KIAA0825: variants seen among roughly 807,000 people sequenced by gnomAD.
KIAA0825 encodes the protein uncharacterized protein KIAA0825.
A neutral mutation model predicts 147.6 loss-of-function variants in KIAA0825; 119 were observed. The ratio of observed to expected loss-of-function variants is 0.81; its 90% CI spans 0.69 to 0.94. The LOEUF is 0.94. Ranked by LOEUF, KIAA0825 falls within the 40% of genes least tolerant of loss-of-function variation. The pLI, the probability that KIAA0825 is intolerant of heterozygous loss-of-function variation, is 0.00. For missense variants in KIAA0825, 1,381 were observed against 1,472.7 expected (o/e 0.94, Z 1.02); for synonymous variants, 470 against 518.1 (o/e 0.91, Z 1.26).
At chr5:94,255,501 A>G (rs1249040555) in intron 20 of KIAA0825, among the ~76,000 whole-genome samples, 1 of 151,984 alleles carries the variant, frequency 6.6e-6, no homozygotes, top group Admixed American at 6.6e-5. Context: ...CACGCCATCA[A>G]TGGAGATACG....
chr5:94,262,223 A>T (rs771524610), intron 20 of KIAA0825, among the ~76,000 whole-genome samples: 1 of 152,106 alleles, frequency 6.6e-6, no homozygotes, highest in African/African-American at 2.4e-5. Context: ...CCTAAAGGAA[A>T]TACAAATTAA....
chr5:94,352,445 C>G (rs1024528852), intron 20 of KIAA0825, among the ~76,000 whole-genome samples: 2 of 152,106 alleles, frequency 1.3e-5, no homozygotes, highest in African/African-American at 4.8e-5. Context: ...ATGCAGTGAA[C>G]AGGGAACACT....
At chr5:94,489,741 C>G (rs536091789) in intron 5 of KIAA0825, among the ~76,000 whole-genome samples, 2 of 151,764 alleles carry the variant, frequency 1.3e-5, no homozygotes, top group Non-Finnish European at 2.9e-5. Flanking sequence ...CAAAAATTAG[C>G]CAGGCGTGGT....
At chr5:94,566,767 T>G (rs1778790311) in intron 2 of KIAA0825, among the ~76,000 whole-genome samples, 1 of 152,180 alleles carries the variant, frequency 6.6e-6, no homozygotes, top group Admixed American at 6.5e-5. Context: ...TCTCAGGTGA[T>G]AAGCTACTTG....
chr5:94,512,895 T>TATAA (rs913420252), intron 5 of KIAA0825, among the ~76,000 whole-genome samples: 40 of 151,984 alleles, frequency 2.6e-4, no homozygotes, highest in East Asian at 9.6e-4. Context: ...GACTCCATCT[T>TATAA]ATAAATAAAT....
At chr5:94,379,363 T>G (rs1447053583) in intron 20 of KIAA0825, among the ~76,000 whole-genome samples, 1 of 152,182 alleles carries the variant, frequency 6.6e-6, no homozygotes, top group East Asian at 1.9e-4. Flanking sequence ...AATAGTGAAT[T>G]CTTTACCCAT....
intron 20 of KIAA0825, among the ~76,000 whole-genome samples, chr5:94,272,717 T>C (rs534786157): frequency 6.6e-6 from 1 of 152,324 alleles, no homozygotes; most frequent in African/African-American, 2.4e-5. Flanking sequence ...GCAAAACTTA[T>C]TACAGTTTAG....
At chr5:94,165,524 G>C (rs1479268973) in intron 20 of KIAA0825, among the ~76,000 whole-genome samples, 1 of 152,090 alleles carries the variant, frequency 6.6e-6, no homozygotes, top group African/African-American at 2.4e-5. Flanking sequence ...CCAAAGGAAA[G>C]GAAATCAGCA....
At chr5:94,489,747 G>T (rs1386518446) in intron 5 of KIAA0825, among the ~76,000 whole-genome samples, 2 of 151,754 alleles carry the variant, frequency 1.3e-5, no homozygotes, top group Non-Finnish European at 2.9e-5. Flanking sequence ...TTAGCCAGGC[G>T]TGGTGGTGTG....
At chr5:94,470,264 AG>A (rs991807342) in intron 9 of KIAA0825, among the ~76,000 whole-genome samples, 153 bp from the exon 10 acceptor site, 1 of 152,112 alleles carries the variant, frequency 6.6e-6, no homozygotes, top group African/African-American at 2.4e-5. Context: ...CTTTCCAAAA[AG>A]GAAAAAAAAA....
At chr5:94,281,837 C>T (rs1010365630) in intron 20 of KIAA0825, among the ~76,000 whole-genome samples, 4 of 152,204 alleles carry the variant, frequency 2.6e-5, no homozygotes, top group Non-Finnish European at 5.9e-5. Context: ...AGCTGCTGTA[C>T]GGAGACCTAT....
intron 14 of KIAA0825, among the ~76,000 whole-genome samples, chr5:94,426,417 G>A (rs998365185): frequency 3.3e-5 from 5 of 152,102 alleles, no homozygotes; most frequent in Non-Finnish European, 2.9e-5. Context: ...AACATGGATG[G>A]AACTGGTCAT....
intron 13 of KIAA0825, 142 bp from the exon 14 acceptor site, chr5:94,440,263 C>T (rs1193889196): frequency 2.2e-6 from 2 of 890,238 alleles, no homozygotes; most frequent in East Asian, 5.5e-5. Context: ...TGCTTGCTTA[C>T]TTTAGGGTTG....
chr5:94,433,269 C>T (rs1181283897), intron 14 of KIAA0825, among the ~76,000 whole-genome samples: 7 of 152,070 alleles, frequency 4.6e-5, no homozygotes, highest in East Asian at 1.9e-4. Flanking sequence ...CCTCGTGATC[C>T]GCCAGCCTCA....
Position 94,152,903 on chromosome 5 carries a change from T to G in KIAA0825, c.*1104A>C, listed in dbSNP as rs6892655. 37 of 20,244 alleles carry G rather than the reference T, an allele frequency of 1.8e-3. No individual in the cohort carries two copies. Among genetic ancestry groups the G allele is most frequent in the African/African-American group, 2.9e-3 (17 of 5,866 alleles). The allele number at this position is 20,244 out of a possible 1,614,324, so 1.3% of individuals were successfully genotyped here. A position where few individuals can be genotyped will look rare whatever the true frequency, so the allele number is the denominator to read the frequency against. On this transcript the variant is annotated 3_prime_UTR_variant, in exon 21 of 21. Coordinates refer to ENST00000682413, the MANE Select transcript of KIAA0825 (RefSeq NM_001145678.3). ...ATATATATATATATATATATATATATGGTTTCTCCCAGACGTTCTTAGACT... is the reference window on the plus strand; with the variant it reads ...ATATATATATATATATATATATATAGGGTTTCTCCCAGACGTTCTTAGACT...
chr5:94,554,716 CTATATATATATATATATATATATATATA>C (rs70978114), intron 2 of KIAA0825, among the ~76,000 whole-genome samples: 852 of 67,122 alleles, frequency 0.013, 22 homozygotes, highest in South Asian at 0.035. Flanking sequence ...GTTCTGTGTA[CTATATATATATATATATATATATATATA>C]TATATATATA....
intron 20 of KIAA0825, among the ~76,000 whole-genome samples, chr5:94,214,398 G>A (rs1216915931): frequency 2.0e-5 from 3 of 151,946 alleles, no homozygotes; most frequent in Non-Finnish European, 4.4e-5. Context: ...ATTCATTGAG[G>A]CAAACCAATG....
chr5:94,208,789 G>A (rs947451794), intron 20 of KIAA0825, among the ~76,000 whole-genome samples: 3 of 152,218 alleles, frequency 2.0e-5, no homozygotes, highest in African/African-American at 7.2e-5. Context: ...ATGGAGCATA[G>A]CTTGTCCAAG....
Position 94,384,422 on chromosome 5 carries a change from A to G in KIAA0825, c.3656T>C (p.Leu1219Pro). The change falls in exon 20 of 21, where the codon CTG becomes CCG. Residue 1219 changes from leucine to proline, a missense_variant. Leu to Pro is a moderately conservative substitution (Grantham distance 98). Coordinates refer to ENST00000682413, the MANE Select transcript of KIAA0825 (RefSeq NM_001145678.3). ...TKWNWNWAKLLPNYLRLDKMT... is the reference protein window; with the variant it reads ...TKWNWNWAKLPPNYLRLDKMT... ...CTTATCCAGTCTCAGATAATTTGGC[A>G]GCAACTTTGCCCAATTCCAGTTCCA... 1 of 1,551,978 alleles carries G rather than the reference A, an allele frequency of 6.4e-7. No homozygotes were observed. The highest frequency in any genetic ancestry group is 8.7e-7 in the Non-Finnish European group (1 of 1,146,954).
Sources: allele counts gnomAD v4.1 joint callset (sites outside exome capture counted in the v4.1 genomes callset), GRCh38; gene constraint gnomAD v4.1.1; transcripts MANE v1.5; gene names NCBI Gene and HGNC (gene_info 2026-07-23, HGNC 2026-07-21).